The following LSAMP variants were observed in gnomAD, a reference collection of about 807,000 sequenced individuals.
LSAMP encodes limbic system-associated membrane protein.
A neutral mutation model predicts 38.6 loss-of-function variants in LSAMP; 7 were observed. The ratio of observed to expected loss-of-function variants is 0.18; its 90% CI spans 0.10 to 0.34. The LOEUF is 0.34. LSAMP is among the 10% of genes least tolerant of loss of function. The pLI is 1.00. For missense variants in LSAMP, 313 were observed against 420.0 expected (o/e 0.75, Z 2.23); for synonymous variants, 154 against 166.8 (o/e 0.92, Z 0.59).
chr3:116,074,956 C>G (rs987809888), intron 2 of LSAMP, among the ~76,000 whole-genome samples: 3 of 150,152 alleles, frequency 2.0e-5, no homozygotes, highest in Non-Finnish European at 4.4e-5. Flanking sequence ...TGATTCTCAG[C>G]CTCCCGAGTA....
intron 3 of LSAMP, among the ~76,000 whole-genome samples, chr3:116,016,860 G>A (rs892808644): frequency 2.0e-5 from 3 of 151,956 alleles, no homozygotes; most frequent in African/African-American, 7.3e-5. Context: ...TCACTTGCAG[G>A]CAGTACATAA....
chr3:116,290,688 C>A (rs759170234), intron 1 of LSAMP, among the ~76,000 whole-genome samples: 4 of 150,882 alleles, frequency 2.7e-5, no homozygotes, highest in Non-Finnish European at 4.4e-5. Flanking sequence ...CAAGATTGCA[C>A]CATTTCACTC....
intron 1 of LSAMP, among the ~76,000 whole-genome samples, chr3:116,418,591 G>C (rs1576209316): frequency 6.6e-6 from 1 of 151,850 alleles, no homozygotes; most frequent in East Asian, 1.9e-4. Flanking sequence ...ATGATCCCCT[G>C]CTGCAAGCCA....
intron 3 of LSAMP, among the ~76,000 whole-genome samples, chr3:115,938,876 A>T (rs1576236989): frequency 6.6e-6 from 1 of 152,304 alleles, no homozygotes; most frequent in East Asian, 1.9e-4. Flanking sequence ...CAAGGAATTC[A>T]TCCATTTCAG....
intron 1 of LSAMP, among the ~76,000 whole-genome samples, chr3:116,372,062 A>G (rs2048436720): frequency 6.6e-6 from 1 of 152,080 alleles, no homozygotes. Flanking sequence ...TCATGTTTAC[A>G]GATTGAAAGA....
intron 1 of LSAMP, among the ~76,000 whole-genome samples, chr3:116,240,846 G>A (rs1412376909): frequency 1.3e-5 from 2 of 152,294 alleles, no homozygotes; most frequent in East Asian, 1.9e-4. Context: ...AGATAAACAG[G>A]AAAACATGTA....
At chr3:115,931,196 G>T (rs1287678611) in intron 3 of LSAMP, among the ~76,000 whole-genome samples, 1 of 152,034 alleles carries the variant, frequency 6.6e-6, no homozygotes, top group African/African-American at 2.4e-5. Flanking sequence ...GGAGAGAACT[G>T]ACGCCAACAC....
chr3:116,210,555 C>T (rs771917873), intron 1 of LSAMP, among the ~76,000 whole-genome samples: 36 of 152,208 alleles, frequency 2.4e-4, no homozygotes, highest in Non-Finnish European at 4.9e-4. Context: ...GCATCGTCGG[C>T]TTCCCTACTT....
At chr3:116,375,356 A>G (rs2048481851) in intron 1 of LSAMP, among the ~76,000 whole-genome samples, 1 of 152,116 alleles carries the variant, frequency 6.6e-6, no homozygotes, top group South Asian at 2.1e-4. Context: ...TTTTAAGTAT[A>G]TGCATCCATG....
chr3:116,026,921 C>A (rs762866996), intron 2 of LSAMP, among the ~76,000 whole-genome samples: 10 of 152,114 alleles, frequency 6.6e-5, no homozygotes, highest in Admixed American at 3.9e-4. Flanking sequence ...GCCATTGCCA[C>A]GAGAAGAACA....
At chr3:115,909,920 AATTT>A in intron 3 of LSAMP, among the ~76,000 whole-genome samples, 1 of 152,284 alleles carries the variant, frequency 6.6e-6, no homozygotes, top group East Asian at 1.9e-4. Flanking sequence ...AGAAAACAAA[AATTT>A]ATCCTGTTTC....
chr3:116,196,740 T>C (rs1367503238), intron 1 of LSAMP, among the ~76,000 whole-genome samples: 2 of 152,192 alleles, frequency 1.3e-5, no homozygotes, highest in African/African-American at 2.4e-5. Flanking sequence ...GGTAAAATTT[T>C]AAAGTGCTGA....
chr3:116,058,496 T>C (rs1642246372), intron 2 of LSAMP, among the ~76,000 whole-genome samples: 1 of 151,868 alleles, frequency 6.6e-6, no homozygotes, highest in East Asian at 1.9e-4. Context: ...TTTTTAAAAA[T>C]GGGGCTTGAT....
chr3:116,424,721 A>T (rs974529384), intron 1 of LSAMP, among the ~76,000 whole-genome samples: 8 of 152,268 alleles, frequency 5.3e-5, no homozygotes, highest in East Asian at 1.9e-4. Flanking sequence ...CAGTATTGAG[A>T]GTCTTGGAAT....
chr3:116,308,059 A>T (rs1238209474), intron 1 of LSAMP, among the ~76,000 whole-genome samples: 1 of 152,018 alleles, frequency 6.6e-6, no homozygotes, highest in East Asian at 1.9e-4. Flanking sequence ...AATAAATGGT[A>T]CTATTTTTAT....
At chr3:116,170,784 T>C (rs1018719022) in intron 1 of LSAMP, among the ~76,000 whole-genome samples, 1 of 152,106 alleles carries the variant, frequency 6.6e-6, no homozygotes, top group Non-Finnish European at 1.5e-5. Flanking sequence ...TGACTCAAAC[T>C]GATTTACACA....
intron 3 of LSAMP, 57 bp from the exon 4 acceptor site, chr3:115,852,674 C>T: frequency 6.7e-7 from 1 of 1,483,958 alleles, no homozygotes; most frequent in Non-Finnish European, 9.1e-7. Flanking sequence ...GCAGTAGATC[C>T]TCTCATTATT....
At chr3:116,090,082 C>T (rs980220423) in intron 1 of LSAMP, among the ~76,000 whole-genome samples, 3 of 150,902 alleles carry the variant, frequency 2.0e-5, no homozygotes, top group South Asian at 2.1e-4. Flanking sequence ...GGCACGGTGG[C>T]GCATGCCTGT....
intron 1 of LSAMP, among the ~76,000 whole-genome samples, chr3:116,209,600 G>C (rs570038642): frequency 4.6e-5 from 7 of 152,272 alleles, no homozygotes; most frequent in African/African-American, 1.7e-4. Flanking sequence ...TATGTGTGAA[G>C]AGTAAGAGGG....
Sources: allele counts gnomAD v4.1 joint callset (sites outside exome capture counted in the v4.1 genomes callset), GRCh38; gene constraint gnomAD v4.1.1; transcripts MANE v1.5; gene names NCBI Gene and HGNC (gene_info 2026-07-23, HGNC 2026-07-21).